Variants in FANK1 observed in about 807,000 individuals in gnomAD.
FANK1 encodes the protein fibronectin type 3 and ankyrin repeat domains protein 1.
FANK1 carries 44 observed loss-of-function variants against 45.3 expected under a neutral mutation model. That is an observed-to-expected ratio of 0.97 (90% CI 0.76 to 1.25). The LOEUF (loss-of-function observed/expected upper bound fraction) is 1.25, where lower values mean the gene tolerates loss of function less well. Ranked by LOEUF, FANK1 falls within the 50% of genes most tolerant of loss-of-function variation. FANK1 has a pLI of 0.00. For missense variants in FANK1, 391 were observed against 424.4 expected (o/e 0.92, Z 0.69); for synonymous variants, 149 against 152.5 (o/e 0.98, Z 0.17).
intron 7 of FANK1, among the ~76,000 whole-genome samples, chr10:126,005,940 G>T (rs767066360): frequency 2.6e-5 from 4 of 152,218 alleles, no homozygotes; most frequent in Non-Finnish European, 5.9e-5. Flanking sequence ...ATTTGATTTA[G>T]CAAATAGAAG....
At position 126,008,544 on chromosome 10, in the gene FANK1, C is replaced by T. The variant is rs1953412692; in HGVS notation, c.843C>T (p.Pro281=). 1.2e-6 allele frequency: 2 copies of T among 1,606,054 alleles called. No individual in the cohort carries two copies. The highest frequency in any genetic ancestry group is 1.7e-5 in the Admixed American group (1 of 57,862). The change falls in exon 8 of 11, where the codon CCC becomes CCT. Residue 281 remains proline (P), a synonymous_variant. Transcript: ENST00000368693. ...VNVKDRNGKT[P]LMVAVLNNHE... Reference sequence around the variant, plus strand: ...TGAAGGACAGAAATGGAAAGACGCCCCTTATGGTAGGTCCTCCTCCCGAAA... The same window carrying T: ...TGAAGGACAGAAATGGAAAGACGCCTCTTATGGTAGGTCCTCCTCCCGAAA...
intron 1 of FANK1, 84 bp from the exon 2 acceptor site, chr10:125,980,077 C>T: frequency 7.1e-7 from 1 of 1,412,230 alleles, no homozygotes; most frequent in Non-Finnish European, 9.6e-7. Context: ...ATAGCTCGAT[C>T]ACCAAGCAGC....
chr10:125,979,257 T>C (rs1951044633), intron 1 of FANK1, among the ~76,000 whole-genome samples: 1 of 152,200 alleles, frequency 6.6e-6, no homozygotes, highest in African/African-American at 2.4e-5. Context: ...GCTGTTTCAG[T>C]TGAAGGTGTT....
chr10:125,982,916 CT>C (rs4019626), intron 2 of FANK1, among the ~76,000 whole-genome samples: 360 of 146,744 alleles, frequency 2.5e-3, no homozygotes, highest in South Asian at 4.1e-3. Flanking sequence ...GACTTTATTC[CT>C]TTTTTTTTTT....
chr10:125,960,035 CA>C (rs1217390449), intron 1 of FANK1, among the ~76,000 whole-genome samples: 1 of 152,152 alleles, frequency 6.6e-6, no homozygotes, highest in Non-Finnish European at 1.5e-5. Context: ...AGTAGAAACT[CA>C]CCAATTTCTG....
Position 126,009,085 on chromosome 10 carries a change from T to C in FANK1, c.881T>C (p.Val294Ala). 1 of 1,614,208 alleles carries C rather than the reference T, an allele frequency of 6.2e-7. No homozygotes were observed. Among genetic ancestry groups the C allele is most frequent in the Non-Finnish European group, 8.5e-7 (1 of 1,180,040 alleles). Reference sequence around the variant, plus strand: ...GTGTTAAATAATCATGAAGAGTTAGTTCAGTTACTTCTTGACAAAGGGGCA... The same window carrying C: ...GTGTTAAATAATCATGAAGAGTTAGCTCAGTTACTTCTTGACAAAGGGGCA... ...VAVLNNHEEL[V>A]QLLLDKGADA... Residue 294 changes from valine (V) to alanine (A), a missense_variant, in exon 9 of 11, where the codon GTT becomes GCT. By Grantham distance (64) the Val-to-Ala change is moderately conservative. Coordinates refer to ENST00000368693, the MANE Select transcript of FANK1 (RefSeq NM_145235.5).
intron 1 of FANK1, among the ~76,000 whole-genome samples, chr10:125,929,841 C>T (rs951411107): frequency 6.6e-6 from 1 of 152,134 alleles, no homozygotes; most frequent in Non-Finnish European, 1.5e-5. Context: ...TTACCCTCTA[C>T]TTGAGGTACA....
chr10:125,923,675 G>A (rs112605725), intron 1 of FANK1, among the ~76,000 whole-genome samples: 1 of 151,690 alleles, frequency 6.6e-6, no homozygotes, highest in Non-Finnish European at 1.5e-5. Context: ...CCACAGGCAC[G>A]TGCCACCATG....
chr10:125,994,335 C>G (rs1952154481), intron 3 of FANK1: 1 of 944,454 alleles, frequency 1.1e-6, no homozygotes, highest in African/African-American at 1.8e-5. Flanking sequence ...TTCATGCTAA[C>G]CCCCTAGAGC....
At chr10:125,921,740 GTTGT>G (rs147695934) in intron 1 of FANK1, among the ~76,000 whole-genome samples, 3 of 152,080 alleles carry the variant, frequency 2.0e-5, no homozygotes, top group African/African-American at 7.2e-5. Flanking sequence ...GAAGCATATA[GTTGT>G]TTGTTTTGTT....
intron 1 of FANK1, among the ~76,000 whole-genome samples, chr10:125,913,146 C>T (rs1589819921): frequency 6.6e-6 from 1 of 152,276 alleles, no homozygotes; most frequent in East Asian, 1.9e-4. Flanking sequence ...CTTCTCAGTC[C>T]TTGCTGTTCT....
chr10:125,925,027 A>G (rs953974928), intron 1 of FANK1, among the ~76,000 whole-genome samples: 1 of 152,088 alleles, frequency 6.6e-6, no homozygotes, highest in Non-Finnish European at 1.5e-5. Context: ...ACTCGTCTAT[A>G]TGGTTAATTT....
At chr10:125,907,392 C>T (rs1160373088) in intron 1 of FANK1, 1 of 663,040 alleles carries the variant, frequency 1.5e-6, no homozygotes, top group Non-Finnish European at 1.9e-6. Flanking sequence ...AGGCAGACTT[C>T]TAAGATGTTT....
At chr10:125,927,636 A>T (rs958000275) in intron 1 of FANK1, among the ~76,000 whole-genome samples, 2 of 151,028 alleles carry the variant, frequency 1.3e-5, no homozygotes, top group African/African-American at 2.4e-5. Context: ...TGCAACCTCC[A>T]CCTCCTGGGT....
chr10:126,008,186 T>G (rs182545402), intron 7 of FANK1, among the ~76,000 whole-genome samples: 1 of 152,240 alleles, frequency 6.6e-6, no homozygotes, highest in Non-Finnish European at 1.5e-5. Flanking sequence ...TAGCCCATCT[T>G]TTTTCCACTT....
chr10:125,905,118 G>A (rs148602170), intron 1 of FANK1, among the ~76,000 whole-genome samples: 4 of 128,324 alleles, frequency 3.1e-5, no homozygotes, highest in South Asian at 5.7e-4. Context: ...GTGACAGAGC[G>A]AGACTCTGTC....
chr10:125,958,778 GTCT>G (rs1157065829), intron 1 of FANK1, among the ~76,000 whole-genome samples: 1 of 152,114 alleles, frequency 6.6e-6, no homozygotes, highest in Non-Finnish European at 1.5e-5. Context: ...CCATTTGTTT[GTCT>G]TCTTTTGAGA....
intron 1 of FANK1, among the ~76,000 whole-genome samples, chr10:125,920,442 AT>A (rs1244618075): frequency 1.3e-5 from 2 of 152,058 alleles, no homozygotes; most frequent in African/African-American, 4.8e-5. Flanking sequence ...ATTTACAGAG[AT>A]TTTTTTCTTT....
chr10:125,969,892 A>G (rs1272350273), intron 1 of FANK1, among the ~76,000 whole-genome samples: 2 of 152,216 alleles, frequency 1.3e-5, no homozygotes, highest in Non-Finnish European at 2.9e-5. Context: ...CCCTTAATCC[A>G]TTTAACCCTG....
Sources: gnomAD v4.1 joint callset for allele counts (sites outside exome capture counted in the v4.1 genomes callset) on GRCh38, gnomAD v4.1.1 for gene constraint, MANE v1.5 for transcripts, NCBI Gene and HGNC (gene_info 2026-07-23, HGNC 2026-07-21) for gene names.